CFTR: variants seen among roughly 807,000 people sequenced by gnomAD.
The protein encoded by CFTR is cystic fibrosis transmembrane conductance regulator.
CFTR carries 181 observed loss-of-function variants against 171.6 expected under a neutral mutation model. The ratio of observed to expected loss-of-function variants is 1.05; its 90% CI spans 0.93 to 1.19. The LOEUF is 1.19. Among genes scored for constraint, CFTR ranks in the 50% most tolerant of loss-of-function variants. The pLI, the probability that CFTR is intolerant of heterozygous loss-of-function variation, is 0.00. For missense variants in CFTR, 1,968 were observed against 1,734.7 expected (o/e 1.13, Z -2.39); for synonymous variants, 583 against 608.0 (o/e 0.96, Z 0.60).
At chr7:117,612,023 G>GTATATATATATATAAATATA (rs1792402168) in intron 20 of CFTR, among the ~76,000 whole-genome samples, 1 of 53,242 alleles carries the variant, frequency 1.9e-5, no homozygotes, top group Non-Finnish European at 3.2e-5. Context: ...ATATATATAT[G>GTATATATATATATAAATATA]TATATATATA....
chr7:117,535,414 A>G lies in CFTR; in HGVS notation c.743+3A>G, dbSNP rs1287452011. 3 of 1,613,870 alleles carry G rather than the reference A, an allele frequency of 1.9e-6. No homozygotes were observed. Among genetic ancestry groups the G allele is most frequent in the East Asian group, 2.2e-5 (1 of 44,892 alleles). ...GGGAGAATGATGATGAAGTACAGGT[A>G]GCAACCTATTTTCATAACTTGAAAG... On this transcript the variant is annotated splice_donor_region_variant and intron_variant, in intron 6 of 26. Transcript: ENST00000003084.
chr7:117,582,507 G>A (rs1285865890), intron 11 of CFTR, among the ~76,000 whole-genome samples: 1 of 152,098 alleles, frequency 6.6e-6, no homozygotes, highest in Admixed American at 6.6e-5. Flanking sequence ...CAAGTATGGG[G>A]GAAGGTTTCA....
intron 1 of CFTR, among the ~76,000 whole-genome samples, chr7:117,503,022 C>T (rs1392769656): frequency 5.9e-5 from 9 of 152,122 alleles, no homozygotes; most frequent in Admixed American, 5.9e-4. Context: ...AAAGAAGGAC[C>T]TGGGTGGGAG....
chr7:117,641,225 A>G (rs952802555), intron 22 of CFTR, among the ~76,000 whole-genome samples: 2 of 152,178 alleles, frequency 1.3e-5, no homozygotes, highest in Non-Finnish European at 2.9e-5. Flanking sequence ...GATTGCAAAT[A>G]GTGTTCAATA....
At chr7:117,523,856 T>C (rs1158379927) in intron 3 of CFTR, among the ~76,000 whole-genome samples, 1 of 152,218 alleles carries the variant, frequency 6.6e-6, no homozygotes, top group African/African-American at 2.4e-5. Flanking sequence ...TTATTTCACA[T>C]TACTCAAAAT....
intron 4 of CFTR, 65 bp downstream of exon 4, chr7:117,531,179 A>G (rs1798860185): frequency 2.3e-6 from 3 of 1,280,220 alleles, no homozygotes; most frequent in Non-Finnish European, 3.3e-6. Flanking sequence ...TTAATGTCAT[A>G]AATTAGGTAG....
chr7:117,662,665 C>T (rs1056992627), intron 24 of CFTR, among the ~76,000 whole-genome samples: 1 of 151,984 alleles, frequency 6.6e-6, no homozygotes, highest in African/African-American at 2.4e-5. Flanking sequence ...TAGGAAGATC[C>T]CTGGGGTGTT....
intron 3 of CFTR, among the ~76,000 whole-genome samples, chr7:117,511,820 C>T (rs532539875): frequency 3.9e-5 from 6 of 152,092 alleles, no homozygotes; most frequent in Non-Finnish European, 7.4e-5. Context: ...GATATCTGAT[C>T]TCTTGATTTC....
At chr7:117,556,858 T>C (rs1381610788) in intron 10 of CFTR, among the ~76,000 whole-genome samples, 1 of 152,170 alleles carries the variant, frequency 6.6e-6, no homozygotes, top group Admixed American at 6.5e-5. Flanking sequence ...ACTCCTTTAT[T>C]GATACTTTTC....
intron 24 of CFTR, among the ~76,000 whole-genome samples, chr7:117,654,703 T>C (rs868670837): frequency 6.6e-6 from 1 of 152,202 alleles, no homozygotes; most frequent in Non-Finnish European, 1.5e-5. Context: ...TCCTGAGGCC[T>C]TCCCAGCCAT....
At chr7:117,600,977 C>A (rs2106155) in intron 15 of CFTR, among the ~76,000 whole-genome samples, 73,030 of 151,682 alleles carry the variant, frequency 0.48, 21,148 homozygotes, top group African/African-American at 0.82. Flanking sequence ...ATGTGGAAAC[C>A]GTGAGGAAAT....
intron 11 of CFTR, among the ~76,000 whole-genome samples, chr7:117,577,251 G>T (rs1791786071): frequency 1.3e-5 from 2 of 152,132 alleles, no homozygotes; most frequent in Non-Finnish European, 2.9e-5. Flanking sequence ...GGAGTGCTGG[G>T]AGGTGAGGCT....
In CFTR at chr7:117,667,000, C is replaced by T; in HGVS notation, c.4335C>T (p.Asp1445=). 1 of 1,613,966 alleles carries T rather than the reference C, an allele frequency of 6.2e-7. No individual in the cohort carries two copies. Among genetic ancestry groups the T allele is most frequent in the Non-Finnish European group, 8.5e-7 (1 of 1,179,964 alleles). ...SLFRQAISPS[D]RVKLFPHRNS... is the part of the protein sequence containing the mutation. ...TCCGGCAAGCCATCAGCCCCTCCGA[C>T]AGGGTGAAGCTCTTTCCCCACCGGA... The change falls in exon 27 of 27, where the codon GAC becomes GAT. Residue 1445 remains aspartate (D), a synonymous_variant. Transcript: ENST00000003084.
intron 21 of CFTR, among the ~76,000 whole-genome samples, chr7:117,617,768 C>T (rs971577325): frequency 1.3e-5 from 2 of 152,084 alleles, no homozygotes; most frequent in Non-Finnish European, 2.9e-5. Flanking sequence ...CATAAAAATA[C>T]TTTCCCTTGA....
chr7:117,557,261 A>T lies in CFTR; in HGVS notation c.1393-2203A>T, dbSNP rs1210050142. On this transcript the variant is annotated intron_variant, in intron 10 of 26. Coordinates refer to ENST00000003084, the MANE Select transcript of CFTR (RefSeq NM_000492.4). ...TCTTTGTTTTCCAAGAATGTTGTTC[A>T]AATTATTTCTACTGCTTGGAATTTT... Among the ~76,000 whole-genome samples the T allele has an allele frequency of 2.6e-5, 4 of 152,166 alleles. No individual in the cohort carries two copies. The East Asian group carries it at 7.7e-4, about 29-fold the overall frequency.
chr7:117,530,924 T>G lies in CFTR; in HGVS notation c.299T>G (p.Leu100Arg), dbSNP rs1798849594. ...GAAGTCACCAAAGCAGTACAGCCTC[T>G]CTTACTGGGAAGAATCATAGCTTCC... ...LGEVTKAVQP[L>R]LLGRIIASYD... The change falls in exon 4 of 27, where the codon CTC (leucine) becomes CGC (arginine). Residue 100 changes from leucine to arginine, a missense_variant. Transcript: ENST00000003084. The G allele has an allele frequency of 1.2e-6, 2 of 1,613,244 alleles. No individual in the cohort carries two copies. The highest frequency in any genetic ancestry group is 1.1e-5 in the South Asian group (1 of 91,052).
At chr7:117,637,899 A>G (rs974869469) in intron 22 of CFTR, among the ~76,000 whole-genome samples, 3 of 152,134 alleles carry the variant, frequency 2.0e-5, no homozygotes, top group African/African-American at 4.8e-5. Flanking sequence ...ATGCTCTGGC[A>G]TATTTGAAAA....
intron 9 of CFTR, among the ~76,000 whole-genome samples, chr7:117,544,948 C>A (rs1191718714): frequency 1.3e-5 from 2 of 152,190 alleles, no homozygotes; most frequent in Admixed American, 1.3e-4. Context: ...CTAAGTCTGC[C>A]GTGCTTGCCA....
At chr7:117,511,236 G>A (rs1015046977) in intron 3 of CFTR, among the ~76,000 whole-genome samples, 1 of 152,038 alleles carries the variant, frequency 6.6e-6, no homozygotes, top group African/African-American at 2.4e-5. Flanking sequence ...AGGAATCAAC[G>A]AGATCTTCTC....
Sources: gnomAD v4.1 joint callset for allele counts (sites outside exome capture counted in the v4.1 genomes callset) on GRCh38, gnomAD v4.1.1 for gene constraint, MANE v1.5 for transcripts, NCBI Gene and HGNC (gene_info 2026-07-23, HGNC 2026-07-21) for gene names.